LRFN2: variants seen among roughly 807,000 people sequenced by gnomAD.
LRFN2 encodes leucine rich repeat and fibronectin type III domain containing 2.
Under a neutral mutation model 37.3 loss-of-function variants are expected in LRFN2, and 18 were observed. The observed-to-expected ratio is 0.48, with a 90% confidence interval of 0.33 to 0.72. LRFN2 has a LOEUF of 0.72. Ranked by LOEUF, LRFN2 falls within the 30% of genes least tolerant of loss-of-function variation. The pLI, the probability that LRFN2 is intolerant of heterozygous loss-of-function variation, is 0.02. For synonymous variants in LRFN2, 556 were observed against 466.6 expected (o/e 1.19, Z -2.47); for missense variants, 1,006 against 1,060.7 (o/e 0.95, Z 0.72).
At chr6:40,558,899 G>A (rs1051191881) in intron 1 of LRFN2, among the ~76,000 whole-genome samples, 6 of 152,186 alleles carry the variant, frequency 3.9e-5, no homozygotes, top group African/African-American at 7.2e-5. Flanking sequence ...GGGCTTGCCC[G>A]TGACACTGTG....
chr6:40,501,159 T>G (rs1350817109), intron 1 of LRFN2, among the ~76,000 whole-genome samples: 1 of 151,184 alleles, frequency 6.6e-6, no homozygotes, highest in African/African-American at 2.4e-5. Context: ...TATATATCTA[T>G]CTGTCTAAAA....
chr6:40,496,003 A>G (rs932843561), intron 1 of LRFN2, among the ~76,000 whole-genome samples: 2 of 152,048 alleles, frequency 1.3e-5, no homozygotes, highest in African/African-American at 4.8e-5. Flanking sequence ...CTCACTCCAA[A>G]TATGCCAATA....
intron 1 of LRFN2, among the ~76,000 whole-genome samples, chr6:40,546,609 G>A (rs1766668505): frequency 6.6e-6 from 1 of 152,204 alleles, no homozygotes; most frequent in African/African-American, 2.4e-5. Flanking sequence ...TTGGAGTCCA[G>A]CTGGATTCAA....
chr6:40,562,827 G>GCACGCA (rs1475976500), intron 1 of LRFN2, among the ~76,000 whole-genome samples: 1 of 147,994 alleles, frequency 6.8e-6, no homozygotes, highest in African/African-American at 2.5e-5. Context: ...TTATGTGCGT[G>GCACGCA]CACTCACTCA....
At chr6:40,508,699 T>A (rs146214186) in intron 1 of LRFN2, among the ~76,000 whole-genome samples, 1 of 152,232 alleles carries the variant, frequency 6.6e-6, no homozygotes, top group African/African-American at 2.4e-5. Flanking sequence ...ACTTAATACA[T>A]GTAAGACACA....
intron 1 of LRFN2, among the ~76,000 whole-genome samples, chr6:40,566,380 C>T (rs184931401): frequency 3.9e-5 from 6 of 152,354 alleles, no homozygotes; most frequent in African/African-American, 1.4e-4. Context: ...CATCCCATTA[C>T]TGGGTATATA....
chr6:40,513,938 G>A, intron 1 of LRFN2, among the ~76,000 whole-genome samples: 1 of 152,010 alleles, frequency 6.6e-6, no homozygotes, highest in Admixed American at 6.6e-5. Flanking sequence ...GGTGACCCTG[G>A]AGAGCTATCA....
At chr6:40,424,410 C>T (rs992578233) in intron 2 of LRFN2, among the ~76,000 whole-genome samples, 2 of 152,164 alleles carry the variant, frequency 1.3e-5, no homozygotes, top group African/African-American at 4.8e-5. Flanking sequence ...ACAGCAGGTA[C>T]ATAGCACAGT....
chr6:40,513,851 G>T (rs972957066), intron 1 of LRFN2, among the ~76,000 whole-genome samples: 1 of 151,942 alleles, frequency 6.6e-6, no homozygotes, highest in African/African-American at 2.4e-5. Flanking sequence ...CTTAAAAAGT[G>T]AGTGGGAGCC....
intron 2 of LRFN2, among the ~76,000 whole-genome samples, chr6:40,418,609 C>A (rs889028011): frequency 5.9e-5 from 9 of 152,160 alleles, no homozygotes; most frequent in Admixed American, 5.9e-4. Context: ...CAGAACTAGA[C>A]CCTGGCTTCT....
At chr6:40,530,949 C>T (rs919478634) in intron 1 of LRFN2, among the ~76,000 whole-genome samples, 1 of 152,114 alleles carries the variant, frequency 6.6e-6, no homozygotes, top group African/African-American at 2.4e-5. Context: ...TCCTTGGAGC[C>T]ATTTTTGGAA....
In LRFN2 at chr6:40,534,020, A is replaced by G. The variant is rs531014449; in HGVS notation, c.-19+52921T>C. Among the ~76,000 whole-genome samples, 13 of 152,334 alleles carry G rather than the reference A, an allele frequency of 8.5e-5. No homozygotes were observed. The East Asian group carries it at 2.3e-3, about 27-fold the overall frequency. ...TTCTCATGTCATAGGCACTGTTACA[A>G]CTTCCCTTCCACTTTCTACATGAGA... On this transcript the variant is annotated intron_variant, in intron 1 of 2. Coordinates refer to ENST00000338305, the MANE Select transcript of LRFN2 (RefSeq NM_020737.3).
chr6:40,487,864 C>G (rs892400455), intron 1 of LRFN2, among the ~76,000 whole-genome samples: 3 of 151,994 alleles, frequency 2.0e-5, no homozygotes, highest in Non-Finnish European at 2.9e-5. Flanking sequence ...CTCTGCATCC[C>G]CTGAGCAGTC....
chr6:40,565,658 G>A (rs1434464400), intron 1 of LRFN2, among the ~76,000 whole-genome samples: 1 of 151,868 alleles, frequency 6.6e-6, no homozygotes, highest in East Asian at 1.9e-4. Context: ...TTAATAAATG[G>A]TGCTGGGAAA....
At chr6:40,423,481 A>G (rs541942971) in intron 2 of LRFN2, among the ~76,000 whole-genome samples, 2 of 152,302 alleles carry the variant, frequency 1.3e-5, no homozygotes, top group South Asian at 2.1e-4. Context: ...CCACAATCCT[A>G]TGAAATATGC....
At chr6:40,550,049 A>G (rs1302182528) in intron 1 of LRFN2, among the ~76,000 whole-genome samples, 1 of 152,126 alleles carries the variant, frequency 6.6e-6, no homozygotes, top group Non-Finnish European at 1.5e-5. Context: ...AAAAAATAAA[A>G]ATAAAAATAA....
chr6:40,405,369 T>C (rs1427795035), intron 2 of LRFN2, among the ~76,000 whole-genome samples: 1 of 152,180 alleles, frequency 6.6e-6, no homozygotes, highest in Non-Finnish European at 1.5e-5. Context: ...TTTCTTAATC[T>C]CTCTGTGTTT....
intron 1 of LRFN2, among the ~76,000 whole-genome samples, chr6:40,446,585 C>A (rs540176476): frequency 1.3e-5 from 2 of 152,190 alleles, no homozygotes; most frequent in Non-Finnish European, 2.9e-5. Context: ...ACATCATTAG[C>A]GGCGATATGT....
At chr6:40,471,348 C>CT (rs2113857171) in intron 1 of LRFN2, among the ~76,000 whole-genome samples, 1 of 152,266 alleles carries the variant, frequency 6.6e-6, no homozygotes, top group African/African-American at 2.4e-5. Flanking sequence ...TAGGCTGTCA[C>CT]TGCATGTGTT....
Sources: gnomAD v4.1 joint callset for allele counts (sites outside exome capture counted in the v4.1 genomes callset) on GRCh38, gnomAD v4.1.1 for gene constraint, MANE v1.5 for transcripts, NCBI Gene and HGNC (gene_info 2026-07-23, HGNC 2026-07-21) for gene names.